ADAMTS19: variants seen among roughly 807,000 people sequenced by gnomAD.
ADAMTS19 encodes the protein A disintegrin and metalloproteinase with thrombospondin motifs 19.
ADAMTS19 carries 93 observed loss-of-function variants against 153.3 expected under a neutral mutation model. That is an observed-to-expected ratio of 0.61 (90% confidence interval 0.51 to 0.72). ADAMTS19 has a LOEUF of 0.72. Among genes scored for constraint, ADAMTS19 ranks in the 30% least tolerant of loss-of-function variants. The pLI is 0.00. For synonymous variants in ADAMTS19, 600 were observed against 556.6 expected, an observed-to-expected ratio of 1.08 and a Z score of -1.10; for missense variants, 1,482 against 1,552.1, an observed-to-expected ratio of 0.95 and a Z score of 0.76.
In ADAMTS19 at chr5:129,610,166, A is replaced by G. The variant is rs138192328; in HGVS notation, c.1479-10452A>G. On this transcript the variant is annotated intron_variant, in intron 8 of 22. Coordinates refer to ENST00000274487, the MANE Select transcript of ADAMTS19 (RefSeq NM_133638.6). ...GCAGTTCTGATATGTCTTACACACCATATATGTGAAGGGTGTAGAAGTTAA... is the reference window on the plus strand; with the variant it reads ...GCAGTTCTGATATGTCTTACACACCGTATATGTGAAGGGTGTAGAAGTTAA... Among the ~76,000 whole-genome samples, 1,099 of 152,090 alleles carry G rather than the reference A, an allele frequency of 7.2e-3. 13 individuals carry two copies. Among genetic ancestry groups the G allele is most frequent in the African/African-American group, 0.025 (1,041 of 41,472 alleles).
chr5:129,588,590 A>G (rs1255240309), intron 7 of ADAMTS19, among the ~76,000 whole-genome samples: 1 of 151,934 alleles, frequency 6.6e-6, no homozygotes, highest in Non-Finnish European at 1.5e-5. Flanking sequence ...TTAGTTTGAG[A>G]TGAAATTGCA....
intron 21 of ADAMTS19, among the ~76,000 whole-genome samples, chr5:129,727,264 G>A (rs1193501129): frequency 1.3e-5 from 2 of 152,074 alleles, no homozygotes; most frequent in African/African-American, 4.8e-5. Flanking sequence ...CCTACAGTCT[G>A]GCAAAAATTA....
At chr5:129,716,839 T>G (rs1405383261) in intron 21 of ADAMTS19, among the ~76,000 whole-genome samples, 4 of 152,180 alleles carry the variant, frequency 2.6e-5, no homozygotes, top group Non-Finnish European at 5.9e-5. Context: ...CTTCCAGAGA[T>G]CCACCATTGA....
intron 2 of ADAMTS19, among the ~76,000 whole-genome samples, chr5:129,493,334 G>A (rs185105298): frequency 2.0e-5 from 3 of 151,742 alleles, no homozygotes; most frequent in African/African-American, 4.8e-5. Context: ...ATGATTCCAC[G>A]CCCGTTTCTC....
At chr5:129,706,399 G>A (rs912649911) in intron 21 of ADAMTS19, among the ~76,000 whole-genome samples, 11 of 151,892 alleles carry the variant, frequency 7.2e-5, no homozygotes, top group Non-Finnish European at 8.8e-5. Context: ...GAGAAACCCC[G>A]TCTCTACTGA....
At chr5:129,485,650 ATAAG>A (rs1750565156) in intron 2 of ADAMTS19, among the ~76,000 whole-genome samples, 1 of 152,184 alleles carries the variant, frequency 6.6e-6, no homozygotes. Context: ...TAAAACAATA[ATAAG>A]TAAATATTTG....
intron 21 of ADAMTS19, among the ~76,000 whole-genome samples, chr5:129,714,020 T>C (rs1302546886): frequency 6.6e-6 from 1 of 152,170 alleles, no homozygotes; most frequent in East Asian, 1.9e-4. Context: ...ACCATGCAAG[T>C]AAAAGTAATA....
At chr5:129,672,661 G>A (rs1754358199) in intron 16 of ADAMTS19, among the ~76,000 whole-genome samples, 2 of 152,122 alleles carry the variant, frequency 1.3e-5, no homozygotes, top group Non-Finnish European at 2.9e-5. Context: ...GTACTAAGTG[G>A]AAGTAGAAAA....
intron 2 of ADAMTS19, among the ~76,000 whole-genome samples, chr5:129,501,680 AATCTTTTT>A (rs1383311219): frequency 6.6e-6 from 1 of 152,090 alleles, no homozygotes; most frequent in Non-Finnish European, 1.5e-5. Context: ...GGAGATAATA[AATCTTTTT>A]GAAGCTGACT....
At chr5:129,519,874 T>C (rs1212157918) in intron 3 of ADAMTS19, among the ~76,000 whole-genome samples, 1 of 152,058 alleles carries the variant, frequency 6.6e-6, no homozygotes, top group Non-Finnish European at 1.5e-5. Flanking sequence ...AAGGTGCATT[T>C]TCTGGGATTC....
At chr5:129,709,923 C>T (rs764990723) in intron 21 of ADAMTS19, among the ~76,000 whole-genome samples, 3 of 151,538 alleles carry the variant, frequency 2.0e-5, no homozygotes, top group Non-Finnish European at 4.4e-5. Flanking sequence ...AGGCTGTAGG[C>T]TCATAGGATC....
intron 17 of ADAMTS19, among the ~76,000 whole-genome samples, chr5:129,680,502 T>TA (rs1754752649): frequency 6.6e-6 from 1 of 152,090 alleles, no homozygotes. Context: ...CTCACGCCTG[T>TA]AATCCCAGCA....
At chr5:129,712,849 CGT>C (rs1756545261) in intron 21 of ADAMTS19, among the ~76,000 whole-genome samples, 1 of 152,022 alleles carries the variant, frequency 6.6e-6, no homozygotes, top group Admixed American at 6.6e-5. Context: ...CTCTCCCCTA[CGT>C]GTGTGTATGT....
intron 2 of ADAMTS19, among the ~76,000 whole-genome samples, chr5:129,474,986 A>G (rs894238470): frequency 1.3e-5 from 2 of 152,142 alleles, no homozygotes; most frequent in African/African-American, 2.4e-5. Flanking sequence ...CTGGATATAA[A>G]TATTTTATCA....
chr5:129,518,237 C>G (rs1457065998), intron 3 of ADAMTS19, among the ~76,000 whole-genome samples: 2 of 152,112 alleles, frequency 1.3e-5, no homozygotes, highest in East Asian at 3.8e-4. Context: ...TTGCACACCA[C>G]AGTAACAGTG....
chr5:129,549,183 A>AAAT (rs1554092377), intron 6 of ADAMTS19, among the ~76,000 whole-genome samples: 4 of 148,140 alleles, frequency 2.7e-5, no homozygotes, highest in African/African-American at 9.9e-5. Flanking sequence ...TAATAATAAT[A>AAAT]AAATAAATAA....
chr5:129,713,918 G>A (rs1756595053), intron 21 of ADAMTS19, among the ~76,000 whole-genome samples: 1 of 151,958 alleles, frequency 6.6e-6, no homozygotes, highest in South Asian at 2.1e-4. Context: ...TGTTTGCAGA[G>A]GAACAGTTCC....
At chr5:129,726,156 TG>T (rs1188641732) in intron 21 of ADAMTS19, among the ~76,000 whole-genome samples, 2 of 152,192 alleles carry the variant, frequency 1.3e-5, no homozygotes, top group Non-Finnish European at 2.9e-5. Flanking sequence ...CTAGTAAACC[TG>T]GGACATCATG....
intron 7 of ADAMTS19, among the ~76,000 whole-genome samples, chr5:129,580,185 T>A (rs1044587729): frequency 2.0e-5 from 3 of 152,198 alleles, no homozygotes; most frequent in Non-Finnish European, 2.9e-5. Flanking sequence ...GGTATTTTAT[T>A]ATCTTTGTAG....
Sources: gnomAD v4.1 joint callset for allele counts (sites outside exome capture counted in the v4.1 genomes callset) on GRCh38, gnomAD v4.1.1 for gene constraint, MANE v1.5 for transcripts, NCBI Gene and HGNC (gene_info 2026-07-23, HGNC 2026-07-21) for gene names.